KCNK3: variants seen among roughly 807,000 people sequenced by gnomAD.
KCNK3 encodes potassium two pore domain channel subfamily K member 3.
A neutral mutation model predicts 27.3 loss-of-function variants in KCNK3; 9 were observed. That is an observed-to-expected ratio of 0.33 (90% confidence interval 0.20 to 0.57). The LOEUF (loss-of-function observed/expected upper bound fraction) is 0.57, where lower values mean the gene tolerates loss of function less well. Ranked by LOEUF, KCNK3 falls within the 20% of genes least tolerant of loss-of-function variation. The pLI is 0.87. For missense variants in KCNK3, 391 were observed against 577.7 expected, an observed-to-expected ratio of 0.68 and a Z score of 3.31; for synonymous variants, 278 against 273.8, an observed-to-expected ratio of 1.02 and a Z score of -0.15.
chr2:26,714,606 C>A (rs1204432452), intron 1 of KCNK3, among the ~76,000 whole-genome samples: 1 of 150,468 alleles, frequency 6.6e-6, no homozygotes, highest in Non-Finnish European at 1.5e-5. Context: ...GGGATGCAGG[C>A]AGGATGCAGT....
intron 1 of KCNK3, among the ~76,000 whole-genome samples, chr2:26,717,580 A>G (rs1663254671): frequency 6.6e-6 from 1 of 152,216 alleles, no homozygotes; most frequent in South Asian, 2.1e-4. Context: ...TGGTGGATTC[A>G]TTTAATTAAA....
intron 1 of KCNK3, among the ~76,000 whole-genome samples, chr2:26,724,827 G>A (rs1663383578): frequency 6.6e-6 from 1 of 152,210 alleles, no homozygotes; most frequent in South Asian, 2.1e-4. Flanking sequence ...TGAGGAGCTA[G>A]GTCTTTGTGG....
intron 1 of KCNK3, among the ~76,000 whole-genome samples, chr2:26,707,033 C>T (rs1263294756): frequency 2.0e-5 from 3 of 152,176 alleles, no homozygotes; most frequent in Admixed American, 6.5e-5. Context: ...ACGCTTTTGT[C>T]CCCGCTTCAC....
rs1663496293 is a variant in KCNK3, at chr2:26,729,433, T to G, written c.*865T>G. 6.6e-6 allele frequency: 1 copy of G among 152,224 alleles called. No individual in the cohort carries two copies. The highest frequency in any genetic ancestry group is 1.5e-5 in the Non-Finnish European group (1 of 68,048). 9.4% of individuals were successfully genotyped at this position (152,224 alleles called of 1,614,324 possible). A position where few individuals can be genotyped will look rare whatever the true frequency, so the allele number is the denominator to read the frequency against. ...AACTCTATGCTGGCCACTGATTCCTTTGAGTCTCACAAAACCCTACTTAGG... is the reference window on the plus strand; with the variant it reads ...AACTCTATGCTGGCCACTGATTCCTGTGAGTCTCACAAAACCCTACTTAGG... On this transcript the variant is annotated 3_prime_UTR_variant, in exon 2 of 2. Transcript: ENST00000302909.
Position 26,728,259 on chromosome 2 carries a change from C to A in KCNK3, c.876C>A (p.Gly292=). 1.3e-6 allele frequency: 2 copies of A among 1,583,380 alleles called. No homozygotes were observed. The highest frequency in any genetic ancestry group is 1.7e-6 in the Non-Finnish European group (2 of 1,164,996). The part of the protein sequence containing the change: ...TDTASSTAAA[G]GGGFRNVYAE... ...CCGCCTCATCCACGGCGGCAGCGGGCGGCGGCGGCTTCCGCAACGTCTACG... is the reference window on the plus strand; with the variant it reads ...CCGCCTCATCCACGGCGGCAGCGGGAGGCGGCGGCTTCCGCAACGTCTACG... Residue 292 remains glycine (G), a synonymous_variant, in exon 2 of 2, where the codon GGC becomes GGA. Coordinates refer to ENST00000302909, the MANE Select transcript of KCNK3 (RefSeq NM_002246.3).
At chr2:26,707,834 G>A (rs138898680) in intron 1 of KCNK3, among the ~76,000 whole-genome samples, 5 of 152,286 alleles carry the variant, frequency 3.3e-5, no homozygotes, top group Admixed American at 2.6e-4. Context: ...GCAGGGTGCA[G>A]GGGAGATGGG....
At chr2:26,716,060 C>T (rs979849226) in intron 1 of KCNK3, among the ~76,000 whole-genome samples, 2 of 152,214 alleles carry the variant, frequency 1.3e-5, no homozygotes, top group African/African-American at 4.8e-5. Flanking sequence ...AGAGGGGCAG[C>T]GTCTTGCCTG....
intron 1 of KCNK3, among the ~76,000 whole-genome samples, chr2:26,703,247 C>T (rs1670331883): frequency 6.6e-6 from 1 of 152,204 alleles, no homozygotes. Context: ...TAGGCCCACC[C>T]AGATTATCTA....
At position 26,727,903 on chromosome 2, in the gene KCNK3, G is replaced by A; in HGVS notation, c.520G>A (p.Gly174Ser). The A allele has an allele frequency of 6.2e-7, 1 of 1,614,190 alleles. No homozygotes were observed. The highest frequency in any genetic ancestry group is 8.5e-7 in the Non-Finnish European group (1 of 1,180,036). The change falls in exon 2 of 2, where the codon GGC becomes AGC. Residue 174 changes from glycine to serine, a missense_variant. This residue lies in a region of KCNK3 where 158 missense variants were observed against 267.7 expected (regional missense o/e 0.59). Transcript: ENST00000302909. Reference sequence around the variant, plus strand: ...CTCGTGCATCAGCACGCTGTGCATCGGCGCCGCCGCCTTCTCCCACTACGA... The same window carrying A: ...CTCGTGCATCAGCACGCTGTGCATCAGCGCCGCCGCCTTCTCCCACTACGA... ...FFSCISTLCI[G>S]AAAFSHYEHW... is the part of the protein sequence containing the mutation.
chr2:26,699,192 A>G (rs1488398307), intron 1 of KCNK3, among the ~76,000 whole-genome samples: 2 of 130,484 alleles, frequency 1.5e-5, no homozygotes, highest in South Asian at 2.4e-4. Context: ...AAAAAAAAAA[A>G]AGGAAGGAAA....
intron 1 of KCNK3, among the ~76,000 whole-genome samples, chr2:26,716,329 T>C (rs986756835): frequency 3.9e-5 from 6 of 152,184 alleles, no homozygotes; most frequent in Non-Finnish European, 7.3e-5. Context: ...AGAGATTGCT[T>C]TGTAATTGAT....
rs1472044981 is a variant in KCNK3, at chr2:26,732,310, G to A, written c.*3742G>A. 3.3e-5 allele frequency: 5 copies of A among 152,158 alleles called. No homozygotes were observed. The highest frequency in any genetic ancestry group is 1.9e-4 in the East Asian group (1 of 5,206). 9.4% of individuals were successfully genotyped at this position (152,158 alleles called of 1,614,324 possible). On this transcript the variant is annotated 3_prime_UTR_variant, in exon 2 of 2. Transcript: ENST00000302909. ...CTGCTACAGCCAATGATTCTAATAC[G>A]TTCTGTTCTATTGCATGTTATAAAA...
chr2:26,707,056 G>A (rs1025110594), intron 1 of KCNK3, among the ~76,000 whole-genome samples: 5 of 152,108 alleles, frequency 3.3e-5, no homozygotes, highest in African/African-American at 4.8e-5. Context: ...CATGCTGTCC[G>A]AGCCCTGAAG....
chr2:26,705,270 T>C (rs545825235), intron 1 of KCNK3, among the ~76,000 whole-genome samples: 1 of 152,250 alleles, frequency 6.6e-6, no homozygotes, highest in Admixed American at 6.5e-5. Context: ...GGAGACAGTA[T>C]TATTATCCCC....
chr2:26,726,404 A>T (rs1421355210), intron 1 of KCNK3, among the ~76,000 whole-genome samples: 1 of 152,238 alleles, frequency 6.6e-6, no homozygotes, highest in East Asian at 1.9e-4. Context: ...AATAAGGCAG[A>T]GATCATAAGC....
chr2:26,708,610 C>T (rs1001005763), intron 1 of KCNK3, among the ~76,000 whole-genome samples: 3 of 152,010 alleles, frequency 2.0e-5, no homozygotes, highest in East Asian at 1.9e-4. Flanking sequence ...ACCTGGGAGG[C>T]GGAGGTTGCA....
intron 1 of KCNK3, among the ~76,000 whole-genome samples, chr2:26,698,373 TC>T (rs1309124644): frequency 1.3e-5 from 2 of 152,124 alleles, no homozygotes; most frequent in Admixed American, 6.5e-5. Flanking sequence ...ATCCACCCTA[TC>T]CCCATTCCCC....
At chr2:26,716,376 T>C (rs1286114286) in intron 1 of KCNK3, among the ~76,000 whole-genome samples, 1 of 152,148 alleles carries the variant, frequency 6.6e-6, no homozygotes, top group Admixed American at 6.5e-5. Context: ...GGATTATTAT[T>C]CTAGAACTCA....
At chr2:26,694,414 G>GT (rs935609221) in intron 1 of KCNK3, among the ~76,000 whole-genome samples, 8 of 152,186 alleles carry the variant, frequency 5.3e-5, no homozygotes, top group Non-Finnish European at 1.0e-4. Context: ...AGATGGCATT[G>GT]TTTTCCTGGG....
Sources: allele counts gnomAD v4.1 joint callset (sites outside exome capture counted in the v4.1 genomes callset), GRCh38; gene constraint gnomAD v4.1.1; regional missense constraint gnomAD v4.1.1; transcripts MANE v1.5; gene names NCBI Gene and HGNC (gene_info 2026-07-23, HGNC 2026-07-21).